Variants in PTPN5 observed in about 807,000 individuals in gnomAD.
PTPN5 encodes protein tyrosine phosphatase non-receptor type 5, also known as tyrosine-protein phosphatase non-receptor type 5.
A neutral mutation model predicts 73.9 loss-of-function variants in PTPN5; 29 were observed. The observed-to-expected ratio is 0.39, with a 90% CI of 0.29 to 0.54. The LOEUF (loss-of-function observed/expected upper bound fraction) is 0.54, where lower values mean the gene tolerates loss of function less well. Among genes scored for constraint, PTPN5 ranks in the 20% least tolerant of loss-of-function variants. The pLI, the probability that PTPN5 is intolerant of heterozygous loss-of-function variation, is 0.65. For missense variants in PTPN5, 652 were observed against 751.4 expected, an observed-to-expected ratio of 0.87 and a Z score of 1.55; for synonymous variants, 267 against 304.7, an observed-to-expected ratio of 0.88 and a Z score of 1.29.
intron 1 of PTPN5, among the ~76,000 whole-genome samples, chr11:18,780,740 A>C (rs1486018166): frequency 6.6e-6 from 1 of 152,156 alleles, no homozygotes; most frequent in East Asian, 1.9e-4. Flanking sequence ...TGGCTTCTGT[A>C]AACTTCCCAG....
intron 2 of PTPN5, 110 bp downstream of exon 2, chr11:18,771,829 A>T (rs1448867047): frequency 1.1e-6 from 1 of 869,698 alleles, no homozygotes. Flanking sequence ...AGGAATGATC[A>T]GGCTGAACAC....
chr11:18,742,623 TCCTGGG>T lies in PTPN5; in HGVS notation c.484-126_484-121del. 6 of 1,433,932 alleles carry T rather than the reference TCCTGGG, an allele frequency of 4.2e-6. No homozygotes were observed. Among genetic ancestry groups the T allele is most frequent in the Non-Finnish European group, 4.7e-6 (5 of 1,074,270 alleles). 88.8% of individuals were successfully genotyped at this position (1,433,932 alleles called of 1,614,324 possible). A position where few individuals can be genotyped will look rare whatever the true frequency, so the allele number is the denominator to read the frequency against. Reference sequence around the variant, plus strand: ...CAGTGTGTCTAGAGCAGCTCTGCTCTCCTGGGAGTTGTCCACAAGGCACTGCCCCTG... The same window carrying T: ...CAGTGTGTCTAGAGCAGCTCTGCTCTAGTTGTCCACAAGGCACTGCCCCTG... On this transcript the variant is annotated intron_variant, in intron 6 of 14. Coordinates refer to ENST00000358540, the MANE Select transcript of PTPN5 (RefSeq NM_006906.2). This position sits in a 1 kb window ranked among gnomAD's most constrained non-coding sequence, Gnocchi z 4.1.
At chr11:18,770,045 A>C (rs1487958114) in intron 2 of PTPN5, among the ~76,000 whole-genome samples, 4 of 152,128 alleles carry the variant, frequency 2.6e-5, no homozygotes, top group African/African-American at 9.7e-5. Flanking sequence ...TGTAACACGA[A>C]GTGGGGGAGC....
At chr11:18,730,060 C>G (rs2134184099) in intron 12 of PTPN5, 1 of 584,550 alleles carries the variant, frequency 1.7e-6, no homozygotes, top group East Asian at 2.9e-5. Context: ...CCTGCCCCAA[C>G]AACTTCAGGA....
intron 3 of PTPN5, among the ~76,000 whole-genome samples, chr11:18,750,137 G>A (rs1472615046): frequency 1.3e-5 from 2 of 152,174 alleles, no homozygotes; most frequent in Non-Finnish European, 2.9e-5. Context: ...GCCAGCCAAG[G>A]GCAGAGCCTG....
chr11:18,745,462 T>C (rs1489707009), intron 3 of PTPN5, among the ~76,000 whole-genome samples: 1 of 152,188 alleles, frequency 6.6e-6, no homozygotes, highest in Admixed American at 6.5e-5. Flanking sequence ...CTCCTTGCAG[T>C]TCCTCAGGTA....
intron 2 of PTPN5, among the ~76,000 whole-genome samples, chr11:18,770,790 C>T (rs1204751070): frequency 6.6e-6 from 1 of 152,216 alleles, no homozygotes; most frequent in Non-Finnish European, 1.5e-5. Flanking sequence ...GCAGCTACGC[C>T]ACCAGTGCTG....
At chr11:18,782,228 T>C (rs927613599) in intron 1 of PTPN5, among the ~76,000 whole-genome samples, 1 of 151,934 alleles carries the variant, frequency 6.6e-6, no homozygotes, top group African/African-American at 2.4e-5. Context: ...TCAAAAACTA[T>C]GTCTTTTTTT....
intron 1 of PTPN5, among the ~76,000 whole-genome samples, chr11:18,782,758 T>C (rs1851497786): frequency 6.6e-6 from 1 of 152,254 alleles, no homozygotes; most frequent in Admixed American, 6.5e-5. Flanking sequence ...TACATTGGAC[T>C]GCTTGTAAAG....
rs537494786 is a variant in PTPN5, at chr11:18,771,294, G to A, written c.20+645C>T. On this transcript the variant is annotated intron_variant, in intron 2 of 14. Coordinates refer to ENST00000358540, the MANE Select transcript of PTPN5 (RefSeq NM_006906.2). ...ATCAAACCTGTCCATTCCTCCCTTC[G>A]AGCCTTGTTTGTGCTGTTCCCTCAG... Among the ~76,000 whole-genome samples the A allele has an allele frequency of 7.9e-5, 12 of 152,146 alleles. No homozygotes were observed. In the East Asian group the frequency reaches 1.5e-3, roughly 20 times the overall value.
intron 4 of PTPN5, chr11:18,743,740 A>G (rs1023447379): frequency 2.8e-5 from 16 of 572,104 alleles, no homozygotes; most frequent in Admixed American, 9.6e-5. Flanking sequence ...AGAACCCTGT[A>G]CGGCTGGGAG....
chr11:18,747,990 T>C (rs1241226907), intron 3 of PTPN5, among the ~76,000 whole-genome samples: 1 of 152,150 alleles, frequency 6.6e-6, no homozygotes, highest in Non-Finnish European at 1.5e-5. Context: ...GGTGATTTCA[T>C]TTACATATCC....
intron 8 of PTPN5, 138 bp from the exon 9 acceptor site, chr11:18,738,102 G>C: frequency 1.4e-6 from 1 of 702,268 alleles, no homozygotes; most frequent in Non-Finnish European, 2.6e-6. Context: ...TTACTATTAA[G>C]AGAGTTAGTG....
chr11:18,784,337 A>G (rs1027376759), intron 1 of PTPN5, among the ~76,000 whole-genome samples: 17 of 152,352 alleles, frequency 1.1e-4, no homozygotes, highest in African/African-American at 4.1e-4. Context: ...TGAGATTCTG[A>G]TATATGATAC....
Position 18,765,944 on chromosome 11 carries a change from G to A in PTPN5, c.21-61C>T, listed in dbSNP as rs369902028. 7.7e-4 allele frequency: 972 copies of A among 1,261,462 alleles called. 1 individual carries two copies. The highest frequency in any genetic ancestry group is 1.0e-3 in the Non-Finnish European group (924 of 882,762). The allele number at this position is 1,261,462 out of a possible 1,614,324, so 78.1% of individuals were successfully genotyped here. Reference sequence around the variant, plus strand: ...GAGCCAGGATCAAGACAAAAACCCTGAGCAAAGATAAGAAGGCTCCCTCTC... The same window carrying A: ...GAGCCAGGATCAAGACAAAAACCCTAAGCAAAGATAAGAAGGCTCCCTCTC... On this transcript the variant is annotated intron_variant, in intron 2 of 14. Transcript: ENST00000358540.
At chr11:18,777,116 G>A (rs1329432039) in intron 1 of PTPN5, among the ~76,000 whole-genome samples, 1 of 152,140 alleles carries the variant, frequency 6.6e-6, no homozygotes, top group Non-Finnish European at 1.5e-5. Flanking sequence ...AGCCAAGATT[G>A]TGCCACAGCA....
chr11:18,775,661 C>G (rs1851114740), intron 1 of PTPN5, among the ~76,000 whole-genome samples: 1 of 152,214 alleles, frequency 6.6e-6, no homozygotes, highest in South Asian at 2.1e-4. Flanking sequence ...CTCACTGGCC[C>G]AGGGCCCAGA....
intron 1 of PTPN5, among the ~76,000 whole-genome samples, chr11:18,775,662 A>T (rs890566124): frequency 6.6e-6 from 1 of 152,208 alleles, no homozygotes; most frequent in African/African-American, 2.4e-5. Context: ...TCACTGGCCC[A>T]GGGCCCAGAA....
chr11:18,756,051 C>CG (rs1052100313), intron 3 of PTPN5, among the ~76,000 whole-genome samples: 7 of 149,970 alleles, frequency 4.7e-5, no homozygotes, highest in African/African-American at 1.7e-4. Flanking sequence ...CTAATAGTCA[C>CG]GTCAGGCACA....
Sources: gnomAD v4.1 joint callset for allele counts (sites outside exome capture counted in the v4.1 genomes callset) on GRCh38, gnomAD v4.1.1 for gene constraint, Gnocchi (gnomAD v3.1) non-coding constraint, MANE v1.5 for transcripts, NCBI Gene and HGNC (gene_info 2026-07-23, HGNC 2026-07-21) for gene names.